Variants in FTO observed in about 807,000 individuals in gnomAD.
The protein encoded by FTO is FTO alpha-ketoglutarate dependent dioxygenase, also known as alpha-ketoglutarate-dependent dioxygenase FTO.
Under a neutral mutation model 63.9 loss-of-function variants are expected in FTO, and 47 were observed. The ratio of observed to expected loss-of-function variants is 0.74; its 90% CI spans 0.58 to 0.94. The LOEUF (loss-of-function observed/expected upper bound fraction) is 0.94. FTO is among the 40% of genes least tolerant of loss of function. The pLI, the probability that FTO is intolerant of heterozygous loss-of-function variation, is 0.00. For synonymous variants in FTO, 207 were observed against 224.4 expected (o/e 0.92, Z 0.69); for missense variants, 562 against 618.1 (o/e 0.91, Z 0.96).
chr16:54,101,122 C>CT (rs35569804), intron 8 of FTO, among the ~76,000 whole-genome samples: 17,972 of 147,280 alleles, frequency 0.12, 1,216 homozygotes, highest in East Asian at 0.21. Context: ...TTTTTTCTTT[C>CT]TTTTTTTTTT....
chr16:54,007,081 AC>A (rs1174725498), intron 8 of FTO, among the ~76,000 whole-genome samples: 2 of 152,232 alleles, frequency 1.3e-5, no homozygotes, highest in Non-Finnish European at 2.9e-5. Context: ...TTAGTGAAAT[AC>A]AAAGGAAATA....
chr16:54,052,088 G>A (rs1454959579), intron 8 of FTO, among the ~76,000 whole-genome samples: 1 of 152,188 alleles, frequency 6.6e-6, no homozygotes, highest in African/African-American at 2.4e-5. Flanking sequence ...GACTGAGGGT[G>A]AGGGTGTGCA....
At chr16:53,791,274 T>C (rs1434704986) in intron 1 of FTO, among the ~76,000 whole-genome samples, 1 of 152,170 alleles carries the variant, frequency 6.6e-6, no homozygotes, top group Non-Finnish European at 1.5e-5. Context: ...AGATAGGGAA[T>C]CTCAGGCACA....
At chr16:53,732,059 T>A (rs1446422194) in intron 1 of FTO, among the ~76,000 whole-genome samples, 42 of 140,946 alleles carry the variant, frequency 3.0e-4, no homozygotes, top group South Asian at 7.0e-4. Context: ...TTTTTTTTTT[T>A]TTTTTTTGAG....
chr16:54,030,564 TTTTG>T (rs2084805659), intron 8 of FTO, among the ~76,000 whole-genome samples: 1 of 152,120 alleles, frequency 6.6e-6, no homozygotes, highest in Non-Finnish European at 1.5e-5. Flanking sequence ...CCTCATTTTT[TTTTG>T]TTTGTTTTTC....
At chr16:53,984,631 A>C (rs1353367283) in intron 8 of FTO, among the ~76,000 whole-genome samples, 4 of 152,082 alleles carry the variant, frequency 2.6e-5, no homozygotes, top group Non-Finnish European at 5.9e-5. Flanking sequence ...AGAATGTGTT[A>C]CTTTTTAAAG....
At chr16:53,902,970 C>T (rs144388717) in intron 7 of FTO, among the ~76,000 whole-genome samples, 88 of 152,196 alleles carry the variant, frequency 5.8e-4, no homozygotes, top group African/African-American at 2.0e-3. Context: ...CTTAGCCAGG[C>T]GTAGTGGCAC....
chr16:54,013,238 C>T (rs4784344), intron 8 of FTO: 85,673 of 158,878 alleles, frequency 0.54, 25,996 homozygotes, highest in African/African-American at 0.79. Flanking sequence ...ACTGCAGATG[C>T]GGTGGAAATA....
chr16:53,737,277 A>G (rs1196720479), intron 1 of FTO, among the ~76,000 whole-genome samples: 1 of 152,254 alleles, frequency 6.6e-6, no homozygotes, highest in Non-Finnish European at 1.5e-5. Flanking sequence ...ACATACACAC[A>G]TATACAATCA....
chr16:53,819,148 T>C (rs1003912092), intron 2 of FTO, among the ~76,000 whole-genome samples: 1 of 152,204 alleles, frequency 6.6e-6, no homozygotes, highest in Non-Finnish European at 1.5e-5. Context: ...TTAAGTATAA[T>C]ACAAATTATA....
chr16:53,929,661 G>T (rs1311412864), intron 7 of FTO, among the ~76,000 whole-genome samples: 1 of 152,182 alleles, frequency 6.6e-6, no homozygotes. Flanking sequence ...TCCTAGTAGT[G>T]TCTCAACTTT....
intron 1 of FTO, among the ~76,000 whole-genome samples, chr16:53,800,509 A>G (rs2078191793): frequency 1.3e-5 from 2 of 152,260 alleles, no homozygotes; most frequent in East Asian, 1.9e-4. Flanking sequence ...AAGCTGGTTG[A>G]TGGTGTTGTT....
In FTO at chr16:53,812,062, C is replaced by T. The variant is rs552711008; in HGVS notation, c.123+1845C>T. On this transcript the variant is annotated intron_variant, in intron 2 of 8. Coordinates refer to ENST00000471389, the MANE Select transcript of FTO (RefSeq NM_001080432.3). ...TCCTGAGCTCAAGCGATCCACACAC[C>T]TTGGGCTCACAAAGTGCTGGGGTTA... is the stretch of plus-strand genomic sequence containing the variant. 2.9e-3 allele frequency among the ~76,000 whole-genome samples: 442 copies of T among 152,248 alleles called. 2 individuals carry two copies. Among genetic ancestry groups the T allele is most frequent in the Non-Finnish European group, 5.2e-3 (356 of 68,016 alleles).
At chr16:54,031,489 G>A (rs2084831829) in intron 8 of FTO, among the ~76,000 whole-genome samples, 1 of 152,106 alleles carries the variant, frequency 6.6e-6, no homozygotes, top group Non-Finnish European at 1.5e-5. Flanking sequence ...GAAATAGCAC[G>A]GGCGTCAAAA....
chr16:53,931,902 A>ACACC (rs1301182106), intron 7 of FTO, among the ~76,000 whole-genome samples: 2 of 151,680 alleles, frequency 1.3e-5, no homozygotes, highest in African/African-American at 4.9e-5. Flanking sequence ...ACACACACAC[A>ACACC]CACACGCACA....
At chr16:54,048,566 A>G (rs1281910385) in intron 8 of FTO, among the ~76,000 whole-genome samples, 1 of 152,244 alleles carries the variant, frequency 6.6e-6, no homozygotes, top group African/African-American at 2.4e-5. Flanking sequence ...AGATCACTTC[A>G]GGAAAAAGAA....
chr16:53,731,394 C>T (rs2076266657), intron 1 of FTO, among the ~76,000 whole-genome samples: 1 of 152,108 alleles, frequency 6.6e-6, no homozygotes, highest in South Asian at 2.1e-4. Context: ...AAAGTTCCTT[C>T]ATATTAATAC....
intron 7 of FTO, among the ~76,000 whole-genome samples, chr16:53,914,879 C>T (rs981726830): frequency 3.3e-5 from 5 of 152,128 alleles, no homozygotes; most frequent in African/African-American, 1.2e-4. Flanking sequence ...TGAGCACAAG[C>T]GCACCATACT....
chr16:53,841,350 A>G (rs2079471491), intron 3 of FTO, among the ~76,000 whole-genome samples: 1 of 120,142 alleles, frequency 8.3e-6, no homozygotes, highest in Non-Finnish European at 1.8e-5. Context: ...TTTTATTGTT[A>G]TTCTGTTAAA....
Sources: allele counts gnomAD v4.1 joint callset (sites outside exome capture counted in the v4.1 genomes callset), GRCh38; gene constraint gnomAD v4.1.1; transcripts MANE v1.5; gene names NCBI Gene and HGNC (gene_info 2026-07-23, HGNC 2026-07-21).